Variants in DMD observed in about 807,000 individuals in gnomAD.
The protein encoded by DMD is dystrophin, also known as mutant dystrophin.
DMD carries 63 observed loss-of-function variants against 330.1 expected under a neutral mutation model. That is an observed-to-expected ratio of 0.19 (90% confidence interval 0.16 to 0.24). The LOEUF (loss-of-function observed/expected upper bound fraction) is 0.24, where lower values mean the gene tolerates loss of function less well. Among genes scored for constraint, DMD ranks in the 10% least tolerant of loss-of-function variants. DMD has a pLI of 1.00. For synonymous variants in DMD, 1,223 were observed against 959.8 expected, an observed-to-expected ratio of 1.27 and a Z score of -5.07; for missense variants, 3,344 against 2,684.1, an observed-to-expected ratio of 1.25 and a Z score of -5.43.
intron 7 of DMD, among the ~76,000 whole-genome samples, chrX:32,760,817 A>C (rs1603375367): frequency 8.9e-6 from 1 of 111,738 alleles, no homozygotes; most frequent in Non-Finnish European, 1.9e-5. Context: ...GGTTCCTAGC[A>C]TGATACCTCA....
At chrX:33,163,636 C>CTATG (rs1330495514) in intron 1 of DMD, among the ~76,000 whole-genome samples, 72 of 103,823 alleles carry the variant, frequency 6.9e-4, no homozygotes, top group African/African-American at 2.1e-3. Flanking sequence ...ATCTATCTAT[C>CTATG]TATCTATCTA....
At chrX:32,927,083 T>G (rs2089104291) in intron 2 of DMD, among the ~76,000 whole-genome samples, 1 of 111,201 alleles carries the variant, frequency 9.0e-6, no homozygotes, top group Admixed American at 9.6e-5. Context: ...TTGACTTTTT[T>G]ATTCCATAGT....
At chrX:32,616,071 A>C (rs1340044233) in intron 11 of DMD, among the ~76,000 whole-genome samples, 1 of 110,082 alleles carries the variant, frequency 9.1e-6, no homozygotes, top group Non-Finnish European at 1.9e-5. Flanking sequence ...GATTTGTCTG[A>C]TTTTTTTTCC....
At chrX:32,454,477 AAC>A (rs1386853618) in intron 26 of DMD, among the ~76,000 whole-genome samples, 183 bp downstream of exon 26, 1 of 110,941 alleles carries the variant, frequency 9.0e-6, no homozygotes, top group African/African-American at 3.3e-5. Context: ...ATTAAAATTA[AAC>A]AGTTTAAGGT....
intron 43 of DMD, among the ~76,000 whole-genome samples, chrX:32,254,404 TAAG>T (rs2097290353): frequency 8.9e-6 from 1 of 112,014 alleles, no homozygotes; most frequent in Non-Finnish European, 1.9e-5. Context: ...GTGGTAGAGA[TAAG>T]AAGTGGTTTT....
intron 44 of DMD, among the ~76,000 whole-genome samples, chrX:32,133,904 A>G: frequency 8.9e-6 from 1 of 111,833 alleles, no homozygotes; most frequent in South Asian, 3.8e-4. Context: ...GCCACACTGC[A>G]GATAACCAGC....
At position 32,045,080 on chromosome X, in the gene DMD, TG is replaced by T. The variant is rs1453716415; in HGVS notation, c.6439-76567del. Among the ~76,000 whole-genome samples the T allele has an allele frequency of 5.5e-4, 60 of 110,015 alleles. No homozygotes were observed. In the Admixed American group the frequency reaches 5.6e-3, roughly 10 times the overall value. On this transcript the variant is annotated intron_variant, in intron 44 of 78. Coordinates refer to ENST00000357033, the MANE Select transcript of DMD (RefSeq NM_004006.3). ...GTAGTGAGTGAGTTTTCATGAGATCTGGTTTTTTTTTAAAGTGTGTGGGCAT... is the reference window on the plus strand; with the variant it reads ...GTAGTGAGTGAGTTTTCATGAGATCTGTTTTTTTTTAAAGTGTGTGGGCAT...
At chrX:33,325,635 C>A (rs2054078683) in intron 1 of DMD, among the ~76,000 whole-genome samples, 1 of 111,863 alleles carries the variant, frequency 8.9e-6, no homozygotes, top group Non-Finnish European at 1.9e-5. Flanking sequence ...AACCCCAAAT[C>A]CTTCAGTATG....
chrX:32,697,854 GT>G lies in DMD; in HGVS notation c.960+15del. 1.7e-6 allele frequency: 2 copies of G among 1,210,437 alleles called. No individual in the cohort carries two copies. Among genetic ancestry groups the G allele is most frequent in the Non-Finnish European group, 2.2e-6 (2 of 894,781 alleles). On this transcript the variant is annotated intron_variant, in intron 9 of 78. Transcript: ENST00000357033. ...AGTTCTCTGGTTTGTACAACAGAGA[GT>G]AAATGTTGACAGACCTGTGAAGGAA...
chrX:32,598,942 G>A (rs747139826), intron 12 of DMD, among the ~76,000 whole-genome samples: 2 of 111,900 alleles, frequency 1.8e-5, no homozygotes, highest in South Asian at 3.7e-4. Context: ...GACTAAGAAC[G>A]TTGAAGAGTC....
At chrX:33,298,168 G>C (rs1422247584) in intron 1 of DMD, among the ~76,000 whole-genome samples, 1 of 111,161 alleles carries the variant, frequency 9.0e-6, no homozygotes, top group South Asian at 3.7e-4. Context: ...ACAAGCATGT[G>C]ATGATCAACT....
At chrX:33,286,182 G>A (rs2053429401) in intron 1 of DMD, among the ~76,000 whole-genome samples, 2 of 110,853 alleles carry the variant, frequency 1.8e-5, no homozygotes, top group African/African-American at 6.6e-5. Flanking sequence ...TTCCACCAAA[G>A]TATACCTTAA....
chrX:33,064,827 T>G (rs1455003412), intron 1 of DMD, among the ~76,000 whole-genome samples: 1 of 111,118 alleles, frequency 9.0e-6, no homozygotes, highest in African/African-American at 3.3e-5. Context: ...AGGCGGAGGT[T>G]GCAGTGAGCC....
At chrX:33,002,849 CGAAA>C (rs1310896698) in intron 2 of DMD, among the ~76,000 whole-genome samples, 4 of 14,821 alleles carry the variant, frequency 2.7e-4, no homozygotes, top group African/African-American at 4.0e-4. Flanking sequence ...ATTTTTTTCT[CGAAA>C]AAAAAAAAAA....
chrX:32,411,998 T>G (rs1338078102), intron 29 of DMD, 85 bp from the exon 30 acceptor site: 1 of 1,188,724 alleles, frequency 8.4e-7, no homozygotes, highest in African/African-American at 1.8e-5. Context: ...AAATGAAGAT[T>G]CTAGACTCTT....
At chrX:33,108,698 A>T (rs2095312727) in intron 1 of DMD, among the ~76,000 whole-genome samples, 1 of 105,351 alleles carries the variant, frequency 9.5e-6, no homozygotes, top group South Asian at 4.4e-4. Context: ...CAACATGGTG[A>T]AACCTCGTCT....
At chrX:32,746,276 T>C (rs1185342355) in intron 7 of DMD, among the ~76,000 whole-genome samples, 2 of 112,282 alleles carry the variant, frequency 1.8e-5, no homozygotes, top group African/African-American at 3.2e-5. Context: ...ACAAGAATCA[T>C]AGACATACTT....
At chrX:33,312,160 G>C (rs1018852812) in intron 1 of DMD, among the ~76,000 whole-genome samples, 1 of 110,886 alleles carries the variant, frequency 9.0e-6, no homozygotes, top group Non-Finnish European at 1.9e-5. Flanking sequence ...AAAGTAAAAG[G>C]ATAAATAACA....
At chrX:32,218,105 A>G (rs1804425097) in intron 43 of DMD, among the ~76,000 whole-genome samples, 1 of 111,617 alleles carries the variant, frequency 9.0e-6, no homozygotes, top group African/African-American at 3.3e-5. Flanking sequence ...AGGCAGAAAT[A>G]ATATGAACCA....
Sources: gnomAD v4.1 joint callset for allele counts (sites outside exome capture counted in the v4.1 genomes callset) on GRCh38, gnomAD v4.1.1 for gene constraint, MANE v1.5 for transcripts, NCBI Gene and HGNC (gene_info 2026-07-23, HGNC 2026-07-21) for gene names.